The following DPP6 variants were observed in gnomAD, a reference collection of about 807,000 sequenced individuals.
DPP6 encodes the protein dipeptidyl peptidase like 6.
DPP6 carries 69 observed loss-of-function variants against 122.6 expected under a neutral mutation model. That is an observed-to-expected ratio of 0.56 (90% CI 0.46 to 0.69). The LOEUF (loss-of-function observed/expected upper bound fraction) is 0.69, where lower values mean the gene tolerates loss of function less well. Ranked by LOEUF, DPP6 falls within the 30% of genes least tolerant of loss-of-function variation. The pLI, the probability that DPP6 is intolerant of heterozygous loss-of-function variation, is 0.00. For synonymous variants in DPP6, 418 were observed against 433.1 expected (o/e 0.97, Z 0.43); for missense variants, 928 against 1,116.9 (o/e 0.83, Z 2.41).
intron 8 of DPP6, among the ~76,000 whole-genome samples, chr7:154,733,628 T>G (rs371278984): frequency 5.9e-5 from 9 of 152,140 alleles, no homozygotes; most frequent in Admixed American, 2.6e-4. Flanking sequence ...TTGTCTTGAG[T>G]ATTCAAGGAG....
the DPP6 span, among the ~76,000 whole-genome samples, chr7:153,874,044 T>A: frequency 6.6e-6 from 1 of 152,206 alleles, no homozygotes; most frequent in African/African-American, 2.4e-5. Flanking sequence ...ATGTTAACCC[T>A]TGTCTAAATT....
chr7:154,030,909 A>G (rs1474428025), intron 1 of DPP6, among the ~76,000 whole-genome samples: 1 of 152,036 alleles, frequency 6.6e-6, no homozygotes, highest in African/African-American at 2.4e-5. Flanking sequence ...CTATTAATAC[A>G]CAAAATAACG....
intron 1 of DPP6, among the ~76,000 whole-genome samples, chr7:153,930,433 A>G (rs1244933736): frequency 6.6e-6 from 1 of 152,140 alleles, no homozygotes; most frequent in Non-Finnish European, 1.5e-5. Context: ...TCAGCAGGAT[A>G]TGGCTCCTAT....
intron 1 of DPP6, among the ~76,000 whole-genome samples, chr7:154,285,816 T>C (rs1804812268): frequency 6.6e-6 from 1 of 152,222 alleles, no homozygotes; most frequent in Non-Finnish European, 1.5e-5. Context: ...AGAGTACTGA[T>C]GTGTTTCGAA....
chr7:153,810,257 A>C, the DPP6 span, among the ~76,000 whole-genome samples: 1 of 152,302 alleles, frequency 6.6e-6, no homozygotes, highest in Non-Finnish European at 1.5e-5. Context: ...TCTGGTGTTG[A>C]CACATGACTC....
intron 2 of DPP6, among the ~76,000 whole-genome samples, chr7:154,453,669 G>GCAT (rs1338782464): frequency 1.3e-5 from 2 of 152,178 alleles, no homozygotes; most frequent in East Asian, 3.9e-4. Context: ...AATGCAGCCA[G>GCAT]CATCCGGAAA....
the DPP6 span, among the ~76,000 whole-genome samples, chr7:153,813,269 A>C: frequency 6.6e-6 from 1 of 150,514 alleles, no homozygotes; most frequent in Non-Finnish European, 1.5e-5. Flanking sequence ...GAGTGAGAAT[A>C]TGCAGTGTTT....
At chr7:154,162,202 A>G (rs891738843) in intron 1 of DPP6, among the ~76,000 whole-genome samples, 25 of 151,358 alleles carry the variant, frequency 1.7e-4, no homozygotes, top group Non-Finnish European at 3.4e-4. Flanking sequence ...GGGAACCCGC[A>G]CTGACCAGCC....
At chr7:154,626,177 C>T (rs1835056736) in intron 5 of DPP6, among the ~76,000 whole-genome samples, 1 of 152,072 alleles carries the variant, frequency 6.6e-6, no homozygotes, top group Admixed American at 6.6e-5. Context: ...AATGCTATGG[C>T]TGATTTCATT....
At chr7:153,782,048 C>A in the DPP6 span, among the ~76,000 whole-genome samples, 4 of 147,228 alleles carry the variant, frequency 2.7e-5, no homozygotes, top group Non-Finnish European at 6.0e-5. Context: ...CTACAAGGAA[C>A]AATCAGGATC....
At chr7:154,214,792 C>T (rs1344121969) in intron 1 of DPP6, among the ~76,000 whole-genome samples, 6 of 152,022 alleles carry the variant, frequency 3.9e-5, no homozygotes, top group African/African-American at 1.4e-4. Context: ...GGGGTGTGTG[C>T]CTATAGTCCT....
At chr7:154,677,541 G>A (rs574360662) in intron 7 of DPP6, among the ~76,000 whole-genome samples, 21 of 152,352 alleles carry the variant, frequency 1.4e-4, no homozygotes, top group African/African-American at 3.6e-4. Flanking sequence ...AAGAGCTTGC[G>A]CTTGAAACTC....
intron 1 of DPP6, among the ~76,000 whole-genome samples, chr7:153,894,531 A>G (rs1205668407): frequency 6.6e-6 from 1 of 152,190 alleles, no homozygotes; most frequent in African/African-American, 2.4e-5. Flanking sequence ...CATCTTGGAC[A>G]GTGGCTCTTG....
chr7:154,545,281 GT>G (rs890092017), intron 4 of DPP6, among the ~76,000 whole-genome samples: 114 of 150,718 alleles, frequency 7.6e-4, no homozygotes, highest in African/African-American at 2.6e-3. Context: ...TATGTATCTT[GT>G]TTTTTTTTCC....
intron 2 of DPP6, among the ~76,000 whole-genome samples, chr7:154,453,101 G>T (rs1174149904): frequency 6.6e-6 from 1 of 152,178 alleles, no homozygotes; most frequent in East Asian, 1.9e-4. Context: ...TGGAAACACC[G>T]TGACCTTCTC....
intron 6 of DPP6, among the ~76,000 whole-genome samples, chr7:154,657,748 G>A (rs1001913294): frequency 6.6e-6 from 1 of 151,902 alleles, no homozygotes; most frequent in African/African-American, 2.4e-5. Flanking sequence ...GGTGCCCAGA[G>A]ATGGGTGGAG....
chr7:154,700,313 T>C (rs1563118355), intron 7 of DPP6, among the ~76,000 whole-genome samples: 1 of 152,214 alleles, frequency 6.6e-6, no homozygotes, highest in Non-Finnish European at 1.5e-5. Flanking sequence ...TTCCCTTGTC[T>C]TAAAGATTAT....
intron 1 of DPP6, among the ~76,000 whole-genome samples, chr7:154,212,058 G>A (rs1799771616): frequency 6.6e-6 from 1 of 152,144 alleles, no homozygotes; most frequent in African/African-American, 2.4e-5. Context: ...ACATGAGAAA[G>A]GCAGGCCCAG....
At chr7:154,785,453 C>T (rs1797282035) in intron 10 of DPP6, among the ~76,000 whole-genome samples, 1 of 152,204 alleles carries the variant, frequency 6.6e-6, no homozygotes, top group South Asian at 2.1e-4. Flanking sequence ...ATTCTACCCC[C>T]TCCATTTATA....
Sources: gnomAD v4.1 joint callset for allele counts (sites outside exome capture counted in the v4.1 genomes callset) on GRCh38, gnomAD v4.1.1 for gene constraint, MANE v1.5 for transcripts, NCBI Gene and HGNC (gene_info 2026-07-23, HGNC 2026-07-21) for gene names.